KRAS: variants seen among roughly 807,000 people sequenced by gnomAD.
KRAS encodes the protein KRas proto-oncogene, GTPase.
A neutral mutation model predicts 21.0 loss-of-function variants in KRAS; 1 was observed. That is an observed-to-expected ratio of 0.05 (90% CI 0.02 to 0.23). The LOEUF (loss-of-function observed/expected upper bound fraction) is 0.23, where lower values mean the gene tolerates loss of function less well. Ranked by LOEUF, KRAS falls within the 10% of genes least tolerant of loss-of-function variation. The pLI, the probability that KRAS is intolerant of heterozygous loss-of-function variation, is 1.00. For missense variants in KRAS, 107 were observed against 221.8 expected, an observed-to-expected ratio of 0.48 and a Z score of 3.29; for synonymous variants, 67 against 72.5, an observed-to-expected ratio of 0.92 and a Z score of 0.39.
chr12:25,225,244 T>C (rs1318450821), intron 4 of KRAS: 1 of 146,716 alleles, frequency 6.8e-6, no homozygotes, highest in Non-Finnish European at 1.5e-5. Flanking sequence ...GGTTTAAAAG[T>C]ACTACCGAAA....
chr12:25,225,908 C>T, intron 3 of KRAS, 135 bp from the exon 4 acceptor site: 2 of 733,454 alleles, frequency 2.7e-6, no homozygotes, highest in Admixed American at 2.5e-5. Context: ...CCAAATTTTC[C>T]TTCCTTCTTC....
intron 2 of KRAS, among the ~76,000 whole-genome samples, chr12:25,237,233 G>A (rs969493633): frequency 6.6e-6 from 1 of 152,140 alleles, no homozygotes; most frequent in African/African-American, 2.4e-5. Context: ...TTTAGAGGCT[G>A]GTGGGAGAAG....
At position 25,235,568 on chromosome 12, in the gene KRAS, AAAT is replaced by A. The variant is rs1951534053; in HGVS notation, c.112-8159_112-8157del. On this transcript the variant is annotated intron_variant, in intron 2 of 4. Coordinates refer to ENST00000311936, the MANE Select transcript of KRAS (RefSeq NM_004985.5). ...GAGTGGAAGAGACATGAACGTAAATAAATAATTAAAATAAAATGAATGTAACAC... is the reference window on the plus strand; with the variant it reads ...GAGTGGAAGAGACATGAACGTAAATAAATTAAAATAAAATGAATGTAACAC... Among the ~76,000 whole-genome samples the A allele has an allele frequency of 5.9e-5, 9 of 152,186 alleles. No homozygotes were observed. The South Asian group carries it at 1.9e-3, about 32-fold the overall frequency.
intron 2 of KRAS, among the ~76,000 whole-genome samples, chr12:25,236,127 A>G (rs1951542485): frequency 6.6e-6 from 1 of 152,072 alleles, no homozygotes; most frequent in Admixed American, 6.5e-5. Flanking sequence ...TAGAGGCCTT[A>G]GAATAAGCAC....
At chr12:25,215,539 T>G (rs1265970615) in intron 4 of KRAS, 1 of 1,611,692 alleles carries the variant, frequency 6.2e-7, no homozygotes, top group Non-Finnish European at 8.5e-7. Flanking sequence ...CTCACCAATG[T>G]ATAAAAAGCA....
chr12:25,235,682 C>T (rs990835648), intron 2 of KRAS, among the ~76,000 whole-genome samples: 1 of 151,996 alleles, frequency 6.6e-6, no homozygotes, highest in Non-Finnish European at 1.5e-5. Context: ...AAGGACATTC[C>T]AAGCAGGAAG....
At chr12:25,219,875 G>C (rs1385303693) in intron 4 of KRAS, among the ~76,000 whole-genome samples, 1 of 152,136 alleles carries the variant, frequency 6.6e-6, no homozygotes, top group Non-Finnish European at 1.5e-5. Flanking sequence ...TAGCACATAA[G>C]GAGGTTGTTT....
chr12:25,214,387 CTTTT>C (rs143313927), intron 4 of KRAS, among the ~76,000 whole-genome samples: 349 of 140,016 alleles, frequency 2.5e-3, no homozygotes, highest in African/African-American at 6.0e-3. Flanking sequence ...GCTAAAATGA[CTTTT>C]TTTTTTTTTT....
At chr12:25,215,470 C>T (rs2141488749) in intron 4 of KRAS, 1 of 1,612,106 alleles carries the variant, frequency 6.2e-7, no homozygotes. Flanking sequence ...TTAATTTTCA[C>T]ACAGCCAGGA....
chr12:25,228,970 A>G (rs935865128), intron 2 of KRAS, among the ~76,000 whole-genome samples: 2 of 152,136 alleles, frequency 1.3e-5, no homozygotes, highest in African/African-American at 4.8e-5. Flanking sequence ...GAGGCAGGGG[A>G]ATTGCTTGAA....
At chr12:25,218,225 GT>G (rs894644818) in intron 4 of KRAS, among the ~76,000 whole-genome samples, 1 of 142,380 alleles carries the variant, frequency 7.0e-6, no homozygotes, top group Non-Finnish European at 1.6e-5. Context: ...TTCTATTTCT[GT>G]TTAAAAAAAA....
chr12:25,205,312 C>G lies in KRAS; in HGVS notation c.*4483G>C, dbSNP rs577486152. The G allele has an allele frequency of 1.1e-4, 24 of 213,524 alleles. No individual in the cohort carries two copies. The highest frequency in any genetic ancestry group is 2.0e-4 in the Non-Finnish European group (21 of 105,566). The allele number at this position is 213,524 out of a possible 1,614,324, so 13.2% of individuals were successfully genotyped here. On this transcript the variant is annotated 3_prime_UTR_variant, in exon 5 of 5. Transcript: ENST00000311936. ...AGTACAGTTCATGACAAAAATATTA[C>G]AAATTTTAGATCACTTCACAGCACA...
At chr12:25,221,413 A>G (rs1380882922) in intron 4 of KRAS, among the ~76,000 whole-genome samples, 1 of 152,058 alleles carries the variant, frequency 6.6e-6, no homozygotes, top group Non-Finnish European at 1.5e-5. Context: ...TTGTATTTTT[A>G]GTAGAGACGG....
chr12:25,221,146 T>A (rs901452966), intron 4 of KRAS, among the ~76,000 whole-genome samples: 5 of 151,770 alleles, frequency 3.3e-5, no homozygotes, highest in African/African-American at 1.2e-4. Flanking sequence ...AAGTTTAACC[T>A]AACTTCTAGT....
At chr12:25,233,637 T>G (rs1331052145) in intron 2 of KRAS, among the ~76,000 whole-genome samples, 3 of 152,248 alleles carry the variant, frequency 2.0e-5, no homozygotes, top group Non-Finnish European at 4.4e-5. Flanking sequence ...TCATAGCATG[T>G]ATTATAATTT....
At chr12:25,220,753 A>G (rs1951311542) in intron 4 of KRAS, among the ~76,000 whole-genome samples, 1 of 151,294 alleles carries the variant, frequency 6.6e-6, no homozygotes, top group Non-Finnish European at 1.5e-5. Context: ...GACCAGGCAC[A>G]GTGACTCACG....
chr12:25,213,129 T>C (rs1041240348), intron 4 of KRAS, among the ~76,000 whole-genome samples: 2 of 152,148 alleles, frequency 1.3e-5, no homozygotes, highest in African/African-American at 4.8e-5. Flanking sequence ...ATACTTCTCT[T>C]TTATATGAAT....
chr12:25,248,266 G>A (rs1042842498), intron 1 of KRAS, among the ~76,000 whole-genome samples: 1 of 152,062 alleles, frequency 6.6e-6, no homozygotes, highest in Non-Finnish European at 1.5e-5. Context: ...GTCGAGACCA[G>A]CCTGGCCAAC....
intron 4 of KRAS, among the ~76,000 whole-genome samples, chr12:25,213,593 T>G (rs1951222085): frequency 6.6e-6 from 1 of 152,210 alleles, no homozygotes; most frequent in Non-Finnish European, 1.5e-5. Flanking sequence ...GTTTAGTAGA[T>G]TAGTACACCA....
Sources: gnomAD v4.1 joint callset for allele counts (sites outside exome capture counted in the v4.1 genomes callset) on GRCh38, gnomAD v4.1.1 for gene constraint, MANE v1.5 for transcripts, NCBI Gene and HGNC (gene_info 2026-07-23, HGNC 2026-07-21) for gene names.